SPRED2: variants seen among roughly 807,000 people sequenced by gnomAD.
SPRED2 encodes sprouty related EVH1 domain containing 2, also known as sprouty-related, EVH1 domain-containing protein 2.
A neutral mutation model predicts 43.0 loss-of-function variants in SPRED2; 47 were observed. That is an observed-to-expected ratio of 1.09 (90% CI 0.87 to 1.40). SPRED2 has a LOEUF of 1.40. SPRED2 is among the 40% of genes most tolerant of loss of function. The pLI is 0.00. For missense variants in SPRED2, 561 were observed against 586.4 expected, an observed-to-expected ratio of 0.96 and a Z score of 0.45; for synonymous variants, 225 against 225.7, an observed-to-expected ratio of 1.00 and a Z score of 0.03.
intron 1 of SPRED2, chr2:65,377,779 C>A (rs74944056): frequency 2.2e-6 from 1 of 459,678 alleles, no homozygotes; most frequent in Admixed American, 2.4e-5. Context: ...GTCAAAGCGG[C>A]AGTCCTCAGC....
At chr2:65,328,217 G>A (rs552879105) in intron 4 of SPRED2, among the ~76,000 whole-genome samples, 7 of 152,292 alleles carry the variant, frequency 4.6e-5, no homozygotes, top group African/African-American at 1.7e-4. Context: ...CTTTCAAGTA[G>A]GGACAGGGGA....
chr2:65,348,462 C>A (rs187594967), intron 1 of SPRED2, among the ~76,000 whole-genome samples: 1 of 151,704 alleles, frequency 6.6e-6, no homozygotes, highest in Non-Finnish European at 1.5e-5. Flanking sequence ...TAACAGGTTG[C>A]GGAATGAATG....
intron 1 of SPRED2, among the ~76,000 whole-genome samples, chr2:65,408,051 A>G (rs1676066677): frequency 6.6e-6 from 1 of 152,194 alleles, no homozygotes; most frequent in South Asian, 2.1e-4. Flanking sequence ...GTCTGATTTC[A>G]GCTCCTCATA....
chr2:65,358,482 A>G (rs1331112217), intron 1 of SPRED2, among the ~76,000 whole-genome samples: 1 of 152,242 alleles, frequency 6.6e-6, no homozygotes, highest in East Asian at 1.9e-4. Flanking sequence ...CAGTTGACTC[A>G]ACATGAACTC....
chr2:65,340,335 T>C (rs1356111662), intron 2 of SPRED2, among the ~76,000 whole-genome samples: 1 of 152,222 alleles, frequency 6.6e-6, no homozygotes, highest in South Asian at 2.1e-4. Flanking sequence ...GATAGTGTTC[T>C]AGATGTGAAC....
At chr2:65,349,698 C>G (rs1168562147) in intron 1 of SPRED2, among the ~76,000 whole-genome samples, 1 of 152,204 alleles carries the variant, frequency 6.6e-6, no homozygotes, top group African/African-American at 2.4e-5. Context: ...CCAAAAAGTA[C>G]CCATTTGTTA....
chr2:65,338,570 G>C (rs1189032847), intron 2 of SPRED2, among the ~76,000 whole-genome samples: 1 of 150,968 alleles, frequency 6.6e-6, no homozygotes, highest in Non-Finnish European at 1.5e-5. Context: ...GAGGTGCCGG[G>C]ATTGCAGACG....
In SPRED2 at chr2:65,311,216, T is replaced by C. The variant is rs1037779614; in HGVS notation, c.*2285A>G. 1 of 985,876 alleles carries C rather than the reference T, an allele frequency of 1.0e-6. No homozygotes were observed. The highest frequency in any genetic ancestry group is 1.2e-6 in the Non-Finnish European group (1 of 829,944). The allele number at this position is 985,876 out of a possible 1,614,324, so 61.1% of individuals were successfully genotyped here. A position where few individuals can be genotyped will look rare whatever the true frequency, so the allele number is the denominator to read the frequency against. On this transcript the variant is annotated 3_prime_UTR_variant, in exon 6 of 6. Transcript: ENST00000356388. ...TTGACGTCAGTATGGCAAAGCTGAC[T>C]GGGAAAATACTACACACTGTTCAGC...
At chr2:65,390,984 C>T (rs565757756) in intron 1 of SPRED2, among the ~76,000 whole-genome samples, 68 of 147,852 alleles carry the variant, frequency 4.6e-4, no homozygotes, top group Non-Finnish European at 9.2e-4. Context: ...GCTACTTGGG[C>T]AGGTGAGGTG....
intron 1 of SPRED2, among the ~76,000 whole-genome samples, chr2:65,412,895 C>T (rs1286288980): frequency 2.0e-5 from 3 of 152,216 alleles, no homozygotes; most frequent in African/African-American, 7.2e-5. Context: ...TTCTCTGCTG[C>T]AACCCTGTGT....
In SPRED2 at chr2:65,334,746, C is replaced by T. The variant is rs1335698616; in HGVS notation, c.232G>A (p.Asp78Asn). Residue 78 changes from aspartate to asparagine, a missense_variant, in exon 3 of 6, where the codon GAC becomes AAC. Asp to Asn is a conservative substitution (Grantham distance 23). Coordinates refer to ENST00000356388, the MANE Select transcript of SPRED2 (RefSeq NM_181784.3). ...GGATTGGCTTTGGTGTAGACCAAGT[C>T]CTTTCTTACATAGCATTCCAATACC... The part of the protein sequence containing the change: ...LVVLECYVRK[D>N]LVYTKANPTF... 3.1e-6 allele frequency: 5 copies of T among 1,614,184 alleles called. No homozygotes were observed. In the South Asian group the frequency reaches 5.5e-5, roughly 18 times the overall value.
intron 1 of SPRED2, among the ~76,000 whole-genome samples, chr2:65,405,012 T>C (rs1449465755): frequency 1.3e-5 from 2 of 152,240 alleles, no homozygotes; most frequent in Admixed American, 1.3e-4. Context: ...CTGTCACACG[T>C]TATAAACACG....
At chr2:65,345,273 T>TTG (rs1674319805) in intron 1 of SPRED2, among the ~76,000 whole-genome samples, 1 of 148,080 alleles carries the variant, frequency 6.8e-6, no homozygotes, top group Non-Finnish European at 1.5e-5. Flanking sequence ...TTTTTTTTTT[T>TTG]TTTTTTTGAG....
At position 65,312,396 on chromosome 2, in the gene SPRED2, T is replaced by A; in HGVS notation, c.*1105A>T. 2.0e-6 allele frequency: 2 copies of A among 985,406 alleles called. No homozygotes were observed. The highest frequency in any genetic ancestry group is 2.4e-6 in the Non-Finnish European group (2 of 829,924). 61.0% of individuals were successfully genotyped at this position (985,406 alleles called of 1,614,324 possible). On this transcript the variant is annotated 3_prime_UTR_variant, in exon 6 of 6. Transcript: ENST00000356388. ...TGAAGAAAATGCAACCCACCACTCT[T>A]CAAATTTATGACATTTAAAAATCCC...
At chr2:65,377,482 C>G in intron 1 of SPRED2, 1 of 435,084 alleles carries the variant, frequency 2.3e-6, no homozygotes, top group Non-Finnish European at 4.8e-6. Flanking sequence ...CCCAAAGCCT[C>G]ATCACCCATT....
At chr2:65,369,230 T>G (rs553385460) in intron 1 of SPRED2, among the ~76,000 whole-genome samples, 8 of 152,256 alleles carry the variant, frequency 5.3e-5, no homozygotes, top group Admixed American at 2.6e-4. Context: ...GGATATTCCT[T>G]ATAAACATTT....
intron 2 of SPRED2, among the ~76,000 whole-genome samples, chr2:65,342,916 C>T (rs887386774): frequency 1.1e-4 from 17 of 152,094 alleles, no homozygotes; most frequent in Non-Finnish European, 1.8e-4. Flanking sequence ...AGTTGGAGGC[C>T]AGCCTGGGCA....
In SPRED2 at chr2:65,312,893, A is replaced by ATT. The variant is rs1163279182; in HGVS notation, c.*606_*607dup. ...ATAGAAACTGCAGCTTACATGGGAA[A>ATT]TTTGGCTTTAGAAAAGTTAAAGCGA... is the stretch of plus-strand genomic sequence containing the variant. On this transcript the variant is annotated 3_prime_UTR_variant, in exon 6 of 6. Transcript: ENST00000356388. The ATT allele has an allele frequency of 1.0e-6, 1 of 985,756 alleles. No homozygotes were observed. Among genetic ancestry groups the ATT allele is most frequent in the Non-Finnish European group, 1.2e-6 (1 of 829,946 alleles). 61.1% of individuals were successfully genotyped at this position (985,756 alleles called of 1,614,324 possible). A position where few individuals can be genotyped will look rare whatever the true frequency, so the allele number is the denominator to read the frequency against.
chr2:65,338,389 G>A (rs1674045771), intron 2 of SPRED2, among the ~76,000 whole-genome samples: 1 of 150,420 alleles, frequency 6.6e-6, no homozygotes, highest in Non-Finnish European at 1.5e-5. Flanking sequence ...GCTCGCTGCA[G>A]CCTCCCTGCC....
Sources: gnomAD v4.1 joint callset for allele counts (sites outside exome capture counted in the v4.1 genomes callset) on GRCh38, gnomAD v4.1.1 for gene constraint, MANE v1.5 for transcripts, NCBI Gene and HGNC (gene_info 2026-07-23, HGNC 2026-07-21) for gene names.